Variants in FARP1 observed in about 807,000 individuals in gnomAD.
FARP1 encodes the protein FERM, ARH/RhoGEF and pleckstrin domain protein 1.
Under a neutral mutation model 128.8 loss-of-function variants are expected in FARP1, and 52 were observed. The observed-to-expected ratio is 0.40, with a 90% CI of 0.32 to 0.51. FARP1 has a LOEUF of 0.51. Among genes scored for constraint, FARP1 ranks in the 20% least tolerant of loss-of-function variants. The probability of loss-of-function intolerance (pLI) is 0.45; values close to 1 mark genes in which losing one functional copy is unlikely to be tolerated. For missense variants in FARP1, 1,333 were observed against 1,367.9 expected (o/e 0.97, Z 0.40); for synonymous variants, 580 against 551.8 (o/e 1.05, Z -0.72).
intron 1 of FARP1, among the ~76,000 whole-genome samples, chr13:98,205,291 C>T (rs1248014924): frequency 6.6e-6 from 1 of 151,928 alleles, no homozygotes; most frequent in East Asian, 1.9e-4. Context: ...CTGAATTATG[C>T]CTTAAGCTTT....
chr13:98,177,303 C>T (rs1878156435), intron 1 of FARP1: 5 of 1,281,488 alleles, frequency 3.9e-6, no homozygotes, highest in African/African-American at 1.5e-5. Context: ...CGTCGCTGCA[C>T]GTGGGGCGTG....
chr13:98,157,898 T>A (rs9582198), intron 1 of FARP1, among the ~76,000 whole-genome samples: 9,246 of 152,314 alleles, frequency 0.061, 315 homozygotes, highest in Middle Eastern at 0.085. Context: ...GTACATTTCT[T>A]TGTAAAATGT....
chr13:98,259,530 G>T (rs1467225398), intron 2 of FARP1, among the ~76,000 whole-genome samples: 2 of 152,118 alleles, frequency 1.3e-5, no homozygotes, highest in African/African-American at 4.8e-5. Context: ...CCGTGAGCAG[G>T]GGACCAGTGT....
intron 2 of FARP1, among the ~76,000 whole-genome samples, chr13:98,227,613 C>T (rs1475878786): frequency 6.6e-6 from 1 of 152,126 alleles, no homozygotes; most frequent in Admixed American, 6.5e-5. Flanking sequence ...TCCAGCAATC[C>T]TCCTTTGGGG....
At position 98,249,876 on chromosome 13, in the gene FARP1, C is replaced by T. The variant is rs572327171; in HGVS notation, c.171+36463C>T. ...AACAGTCTGGTTCCCCACCTCTCTC[C>T]CTTCAGTTACATATGCGATGTTTGA... On this transcript the variant is annotated intron_variant, in intron 2 of 26. Transcript: ENST00000319562. Among the ~76,000 whole-genome samples, 7 of 152,294 alleles carry T rather than the reference C, an allele frequency of 4.6e-5. No individual in the cohort carries two copies. In the South Asian group the frequency reaches 1.5e-3, roughly 32 times the overall value.
chr13:98,453,266 A>T lies in FARP1; in HGVS notation c.*4949A>T. On this transcript the variant is annotated 3_prime_UTR_variant, in exon 27 of 27. Coordinates refer to ENST00000319562, the MANE Select transcript of FARP1 (RefSeq NM_005766.4). ...CATGTCATTTCTCATCCCTGTGCAA[A>T]AATTCATATAGTAACCAAAATCTTA... 1 of 1,560,360 alleles carries T rather than the reference A, an allele frequency of 6.4e-7. No individual in the cohort carries two copies. The highest frequency in any genetic ancestry group is 2.3e-5 in the East Asian group (1 of 44,078).
chr13:98,256,581 A>G (rs1368806654), intron 2 of FARP1, among the ~76,000 whole-genome samples: 1 of 148,118 alleles, frequency 6.8e-6, no homozygotes, highest in Non-Finnish European at 1.5e-5. Flanking sequence ...TTTTTTGGAG[A>G]CAGAGTTTCA....
chr13:98,402,188 G>C (rs1307778133), intron 13 of FARP1: 1 of 152,408 alleles, frequency 6.6e-6, no homozygotes, highest in African/African-American at 2.4e-5. Flanking sequence ...TGTGCTGCTG[G>C]GGCCAGGTGC....
chr13:98,169,370 A>G (rs748353127), intron 1 of FARP1, among the ~76,000 whole-genome samples: 9 of 152,352 alleles, frequency 5.9e-5, no homozygotes, highest in Non-Finnish European at 1.2e-4. Context: ...GGTAGAACAC[A>G]TACACCCGTA....
intron 16 of FARP1, among the ~76,000 whole-genome samples, chr13:98,417,417 T>TAA (rs1316979425): frequency 1.6e-3 from 135 of 82,590 alleles, no homozygotes; most frequent in African/African-American, 5.6e-3. Flanking sequence ...CATGGCAGCA[T>TAA]AAAAACCAGC....
chr13:98,346,644 C>A (rs898474166), intron 3 of FARP1, among the ~76,000 whole-genome samples: 4 of 152,034 alleles, frequency 2.6e-5, no homozygotes, highest in African/African-American at 9.7e-5. Flanking sequence ...ACTCAGGAAG[C>A]TGAGGCAGGA....
At chr13:98,298,751 A>G (rs535897336) in intron 2 of FARP1, among the ~76,000 whole-genome samples, 2 of 152,198 alleles carry the variant, frequency 1.3e-5, no homozygotes, top group Non-Finnish European at 2.9e-5. Flanking sequence ...GAGCATTAAA[A>G]AGGAGCTTTC....
intron 26 of FARP1, chr13:98,447,132 G>A: frequency 3.5e-6 from 1 of 285,924 alleles, no homozygotes; most frequent in Non-Finnish European, 6.6e-6. Flanking sequence ...TGGTGTAATG[G>A]CAGGGACTGC....
intron 2 of FARP1, among the ~76,000 whole-genome samples, chr13:98,246,189 G>T (rs1242152821): frequency 1.4e-5 from 2 of 143,964 alleles, no homozygotes; most frequent in African/African-American, 5.2e-5. Flanking sequence ...CCGCCCCCTG[G>T]GGTTCACGCC....
intron 1 of FARP1, among the ~76,000 whole-genome samples, chr13:98,149,346 C>T (rs1005982139): frequency 5.3e-5 from 8 of 152,114 alleles, no homozygotes; most frequent in African/African-American, 9.7e-5. Context: ...CTATGACTTG[C>T]GTATCCACTC....
At chr13:98,210,599 G>T (rs1270519785) in intron 1 of FARP1, among the ~76,000 whole-genome samples, 2 of 151,300 alleles carry the variant, frequency 1.3e-5, no homozygotes, top group Non-Finnish European at 2.9e-5. Context: ...GCCCAGGCTG[G>T]AGTGCGGTGG....
intron 1 of FARP1, among the ~76,000 whole-genome samples, chr13:98,179,520 T>C (rs1157348393): frequency 6.6e-6 from 1 of 152,144 alleles, no homozygotes; most frequent in African/African-American, 2.4e-5. Context: ...AATTCTGTGA[T>C]AAGAGCTGTA....
chr13:98,407,995 C>T (rs1891044782), intron 13 of FARP1, among the ~76,000 whole-genome samples: 1 of 152,162 alleles, frequency 6.6e-6, no homozygotes, highest in Non-Finnish European at 1.5e-5. Context: ...CCACCTTTTC[C>T]CTTAGAGATC....
At chr13:98,259,663 A>G (rs1351872777) in intron 2 of FARP1, among the ~76,000 whole-genome samples, 1 of 152,094 alleles carries the variant, frequency 6.6e-6, no homozygotes, top group Non-Finnish European at 1.5e-5. Context: ...CTTTTTTCCT[A>G]AATATTCCTA....
Sources: gnomAD v4.1 joint callset for allele counts (sites outside exome capture counted in the v4.1 genomes callset) on GRCh38, gnomAD v4.1.1 for gene constraint, MANE v1.5 for transcripts, NCBI Gene and HGNC (gene_info 2026-07-23, HGNC 2026-07-21) for gene names.